The following WDFY3 variants were observed in gnomAD, a reference collection of about 807,000 sequenced individuals.
The protein encoded by WDFY3 is WD repeat and FYVE domain-containing protein 3.
WDFY3 carries 66 observed loss-of-function variants against 409.6 expected under a neutral mutation model. The ratio of observed to expected loss-of-function variants is 0.16; its 90% CI spans 0.13 to 0.20. The LOEUF (loss-of-function observed/expected upper bound fraction) is 0.20, where lower values mean the gene tolerates loss of function less well. Among genes scored for constraint, WDFY3 ranks in the 10% least tolerant of loss-of-function variants. The pLI is 1.00. For missense variants in WDFY3, 3,031 were observed against 4,298.1 expected, an observed-to-expected ratio of 0.71 and a Z score of 8.24; for synonymous variants, 1,521 against 1,537.1, an observed-to-expected ratio of 0.99 and a Z score of 0.25.
chr4:84,874,645 C>G (rs74937294), intron 3 of WDFY3, among the ~76,000 whole-genome samples: 2,099 of 152,184 alleles, frequency 0.014, 51 homozygotes, highest in African/African-American at 0.048. Context: ...ATGATGCCCC[C>G]TCCTCTGCTT....
chr4:84,794,732 T>G lies in WDFY3; in HGVS notation c.3274A>C (p.Arg1092=), dbSNP rs1749078288. The change falls in exon 21 of 68, where the codon AGA becomes CGA. Residue 1092 remains arginine (R), a synonymous_variant. Coordinates refer to ENST00000295888, the MANE Select transcript of WDFY3 (RefSeq NM_014991.6). ...AVVSGIGSGE[R]FFPPPSGLSY... ...AAGCCGGAGGGAGGAGGGAAGAATC[T>G]TTCACCTACAGTAAAAATTAAAAAA... is the stretch of plus-strand genomic sequence containing the variant. 6.2e-7 allele frequency: 1 copy of G among 1,607,414 alleles called. No individual in the cohort carries two copies. The highest frequency in any genetic ancestry group is 1.7e-5 in the Admixed American group (1 of 58,816).
chr4:84,878,667 T>C (rs1578946835), intron 3 of WDFY3, among the ~76,000 whole-genome samples: 1 of 152,302 alleles, frequency 6.6e-6, no homozygotes, highest in East Asian at 1.9e-4. Flanking sequence ...AAAAAATTCC[T>C]CTCTACAAAC....
chr4:84,912,081 T>C (rs534631942), intron 2 of WDFY3, among the ~76,000 whole-genome samples: 1 of 152,336 alleles, frequency 6.6e-6, no homozygotes, highest in African/African-American at 2.4e-5. Context: ...GGCAACAAAA[T>C]GTGTCTCAAG....
At chr4:84,880,200 A>AAAAAGGC (rs1763302215) in intron 3 of WDFY3, among the ~76,000 whole-genome samples, 3 of 152,138 alleles carry the variant, frequency 2.0e-5, no homozygotes, top group Admixed American at 6.6e-5. Flanking sequence ...CTGGAAGATG[A>AAAAAGGC]AAAAGGCAAG....
chr4:84,791,198 T>C (rs542903087), intron 21 of WDFY3, among the ~76,000 whole-genome samples: 2 of 152,306 alleles, frequency 1.3e-5, no homozygotes, highest in Non-Finnish European at 2.9e-5. Flanking sequence ...GTGGTACATA[T>C]ATACAATGGA....
At chr4:84,681,031 C>T (rs906628256) in intron 64 of WDFY3, among the ~76,000 whole-genome samples, 1 of 152,186 alleles carries the variant, frequency 6.6e-6, no homozygotes, top group Non-Finnish European at 1.5e-5. Flanking sequence ...ACCCCAACGG[C>T]TTATGATCGT....
chr4:84,736,807 A>G (rs1295324268), intron 41 of WDFY3, among the ~76,000 whole-genome samples: 1 of 152,164 alleles, frequency 6.6e-6, no homozygotes, highest in Non-Finnish European at 1.5e-5. Context: ...ACAAAGAAAG[A>G]TAAATTAGGT....
At chr4:84,886,117 G>T (rs1764187596) in intron 3 of WDFY3, among the ~76,000 whole-genome samples, 1 of 152,094 alleles carries the variant, frequency 6.6e-6, no homozygotes, top group African/African-American at 2.4e-5. Flanking sequence ...TACATGGACA[G>T]AAAGCAAACA....
intron 13 of WDFY3, 57 bp from the exon 14 acceptor site, chr4:84,810,401 A>C (rs1316068911): frequency 7.2e-7 from 1 of 1,380,928 alleles, no homozygotes; most frequent in East Asian, 2.5e-5. Flanking sequence ...AAAAAAAAAA[A>C]AACCACTATG....
rs756015623 is a variant in WDFY3 at position 84,751,615 on chromosome 4, C to T, written c.5841G>A (p.Val1947=). 1.9e-6 allele frequency: 3 copies of T among 1,613,952 alleles called. No individual in the cohort carries two copies. In the African/African-American group the frequency reaches 4.0e-5, roughly 22 times the overall value. Reference sequence around the variant, plus strand: ...GATTGGTCAGATATGTCTTGGTGCCCACATTGCAGTACTCTGATTGGCTCC... The same window carrying T: ...GATTGGTCAGATATGTCTTGGTGCCTACATTGCAGTACTCTGATTGGCTCC... ...MNRSQSEYCN[V]GTKTYLTNHP... Residue 1947 remains valine, a synonymous_variant, in exon 36 of 68, where the codon GTG becomes GTA. Transcript: ENST00000295888.
chr4:84,709,117 GAC>G, intron 52 of WDFY3, 89 bp from the exon 53 acceptor site: 1 of 1,524,212 alleles, frequency 6.6e-7, no homozygotes, highest in Non-Finnish European at 8.9e-7. Context: ...TGATGTAAAG[GAC>G]AGTTTCTTTT....
At chr4:84,706,562 A>C (rs1426993712) in intron 53 of WDFY3, among the ~76,000 whole-genome samples, 4 of 151,968 alleles carry the variant, frequency 2.6e-5, no homozygotes, top group African/African-American at 7.3e-5. Context: ...AAAAAAAAAA[A>C]AACCCAACAT....
intron 5 of WDFY3, among the ~76,000 whole-genome samples, chr4:84,848,431 G>A (rs1359356794): frequency 7.9e-5 from 12 of 152,120 alleles, no homozygotes; most frequent in Non-Finnish European, 1.8e-4. Context: ...AATAATGCAA[G>A]CAGCAAGATT....
chr4:84,810,196 T>C lies in WDFY3; in HGVS notation c.2036A>G (p.Asn679Ser). The change falls in exon 14 of 68, where the codon AAT becomes AGT. Residue 679 changes from asparagine (N) to serine (S), a missense_variant. By Grantham distance (46) the Asn-to-Ser change is conservative. This residue lies in a region of WDFY3 where 1,322 missense variants were observed against 1,697.9 expected (regional missense o/e 0.78). Coordinates refer to ENST00000295888, the MANE Select transcript of WDFY3 (RefSeq NM_014991.6). ...AGTGTGAAGAAGTTCAAACACTTGATTCTGGTTCACTTTCTCCCAGCCATT... is the reference window on the plus strand; with the variant it reads ...AGTGTGAAGAAGTTCAAACACTTGACTCTGGTTCACTTTCTCCCAGCCATT... ...PKNGWEKVNQ[N>S]QVFELLHTVF... 1 of 1,614,142 alleles carries C rather than the reference T, an allele frequency of 6.2e-7. No individual in the cohort carries two copies.
chr4:84,786,239 GTCTT>G, intron 23 of WDFY3, 100 bp from the exon 24 acceptor site: 1 of 1,182,176 alleles, frequency 8.5e-7, no homozygotes, highest in South Asian at 1.7e-5. Context: ...AGGCTTGAAA[GTCTT>G]AAAGTAGAAT....
intron 58 of WDFY3, 63 bp from the exon 59 acceptor site, chr4:84,693,095 G>A: frequency 6.7e-7 from 1 of 1,490,040 alleles, no homozygotes; most frequent in Non-Finnish European, 9.2e-7. Flanking sequence ...CCTTTTATAT[G>A]CCAGGCATTG....
intron 51 of WDFY3, among the ~76,000 whole-genome samples, chr4:84,710,043 T>C (rs1013774868): frequency 6.6e-6 from 1 of 152,130 alleles, no homozygotes; most frequent in African/African-American, 2.4e-5. Context: ...TTTAAAACCA[T>C]TTTATAATTT....
intron 2 of WDFY3, among the ~76,000 whole-genome samples, chr4:84,912,162 C>T (rs1195441605): frequency 6.6e-6 from 1 of 152,148 alleles, no homozygotes; most frequent in Admixed American, 6.5e-5. Context: ...GGAACTCATA[C>T]GAAGTGCCAC....
At position 84,696,200 on chromosome 4, in the gene WDFY3, GGT is replaced by G; in HGVS notation, c.8689-20_8689-19del. 1 of 1,611,804 alleles carries G rather than the reference GGT, an allele frequency of 6.2e-7. No homozygotes were observed. The highest frequency in any genetic ancestry group is 8.5e-7 in the Non-Finnish European group (1 of 1,178,480). On this transcript the variant is annotated intron_variant, in intron 57 of 67. Coordinates refer to ENST00000295888, the MANE Select transcript of WDFY3 (RefSeq NM_014991.6). ...TCCAAAGCCTGTAATTTCAAACATA[GGT>G]TTAGTCACTGGCTGACTTCTATTAC...
Sources: allele counts gnomAD v4.1 joint callset (sites outside exome capture counted in the v4.1 genomes callset), GRCh38; gene constraint gnomAD v4.1.1; regional missense constraint gnomAD v4.1.1; transcripts MANE v1.5; gene names NCBI Gene and HGNC (gene_info 2026-07-23, HGNC 2026-07-21).